TAX1BP1: variants seen among roughly 807,000 people sequenced by gnomAD.
TAX1BP1 encodes tax1-binding protein 1.
A neutral mutation model predicts 97.7 loss-of-function variants in TAX1BP1; 62 were observed. The ratio of observed to expected loss-of-function variants is 0.63; its 90% CI spans 0.52 to 0.78. The LOEUF is 0.78. TAX1BP1 is among the 30% of genes least tolerant of loss of function. The pLI is 0.00. For missense variants in TAX1BP1, 867 were observed against 916.1 expected (o/e 0.95, Z 0.69); for synonymous variants, 340 against 304.2 (o/e 1.12, Z -1.23).
chr7:27,771,097 ATTTTTTTTTTTTTTTTTTT>A (rs57751582), intron 5 of TAX1BP1, among the ~76,000 whole-genome samples: 2 of 40,570 alleles, frequency 4.9e-5, no homozygotes, highest in African/African-American at 1.4e-4. Context: ...ACATTCAGCA[ATTTTTTTTTTTTTTTTTTT>A]TTTTTTTTTT....
intron 3 of TAX1BP1, 34 bp from the exon 4 acceptor site, chr7:27,765,800 A>T: frequency 6.5e-7 from 1 of 1,540,636 alleles, no homozygotes; most frequent in Non-Finnish European, 8.9e-7. Context: ...TATAATAGGA[A>T]GTTTAATAAT....
intron 5 of TAX1BP1, among the ~76,000 whole-genome samples, chr7:27,771,097 ATTTTTTTTTTTTTT>A (rs57751582): frequency 0.027 from 1,088 of 40,738 alleles, 35 homozygotes; most frequent in African/African-American, 0.069. Context: ...ACATTCAGCA[ATTTTTTTTTTTTTT>A]TTTTTTTTTT....
intron 1 of TAX1BP1, among the ~76,000 whole-genome samples, chr7:27,741,413 G>A (rs750029642): frequency 1.3e-5 from 2 of 151,944 alleles, no homozygotes; most frequent in Non-Finnish European, 2.9e-5. Flanking sequence ...TGATGATGCC[G>A]ACTTCTAATA....
At chr7:27,745,194 A>C (rs1313443789) in intron 1 of TAX1BP1, among the ~76,000 whole-genome samples, 4 of 152,158 alleles carry the variant, frequency 2.6e-5, no homozygotes, top group African/African-American at 9.7e-5. Context: ...TAGGGAGTGT[A>C]CTTCTCTCCA....
At chr7:27,825,235 CTTTT>C (rs767330487) in intron 15 of TAX1BP1, among the ~76,000 whole-genome samples, 3 of 139,710 alleles carry the variant, frequency 2.1e-5, no homozygotes, top group East Asian at 4.1e-4. Context: ...TTCCCAGTAG[CTTTT>C]TTTTTTTTTT....
intron 5 of TAX1BP1, among the ~76,000 whole-genome samples, chr7:27,774,794 A>G (rs868572673): frequency 3.1e-4 from 47 of 152,050 alleles, no homozygotes; most frequent in African/African-American, 9.9e-4. Flanking sequence ...TTATCATTTT[A>G]TAAATATTGT....
At chr7:27,782,138 A>G (rs1407157496) in intron 5 of TAX1BP1, among the ~76,000 whole-genome samples, 1 of 152,208 alleles carries the variant, frequency 6.6e-6, no homozygotes, top group Non-Finnish European at 1.5e-5. Flanking sequence ...TTAGCTCAAA[A>G]CACAAACATG....
chr7:27,788,047 T>C (rs911006633), intron 8 of TAX1BP1, among the ~76,000 whole-genome samples: 1 of 152,058 alleles, frequency 6.6e-6, no homozygotes, highest in African/African-American at 2.4e-5. Context: ...AGACTACATA[T>C]TATTTTGATT....
At chr7:27,792,391 A>G (rs1331486261) in intron 9 of TAX1BP1, among the ~76,000 whole-genome samples, 161 bp downstream of exon 9, 1 of 152,194 alleles carries the variant, frequency 6.6e-6, no homozygotes, top group Non-Finnish European at 1.5e-5. Context: ...CTTGGCTTAC[A>G]GTTAATGTGT....
intron 8 of TAX1BP1, 91 bp from the exon 9 acceptor site, chr7:27,791,915 T>G: frequency 8.9e-7 from 1 of 1,124,966 alleles, no homozygotes; most frequent in Non-Finnish European, 1.3e-6. Flanking sequence ...TCTAAAATTT[T>G]GGCCCTGTTG....
intron 13 of TAX1BP1, among the ~76,000 whole-genome samples, chr7:27,810,334 G>A (rs1028107526): frequency 6.6e-6 from 1 of 151,992 alleles, no homozygotes; most frequent in Non-Finnish European, 1.5e-5. Context: ...GGCAAGAGAT[G>A]AAGGATATCT....
At chr7:27,739,831 T>A (rs2237338), upstream of TAX1BP1, 4 of 152,308 alleles carry the variant, frequency 2.6e-5, no homozygotes, top group Admixed American at 1.3e-4. Context: ...GATACGGTAC[T>A]GTCCATGGAC....
intron 4 of TAX1BP1, among the ~76,000 whole-genome samples, chr7:27,768,809 A>G (rs568799759): frequency 5.4e-4 from 82 of 152,010 alleles, no homozygotes; most frequent in Non-Finnish European, 6.2e-4. Context: ...AACTTTGATA[A>G]GAGCCATTTT....
intron 8 of TAX1BP1, among the ~76,000 whole-genome samples, chr7:27,788,911 T>C (rs1814987887): frequency 6.6e-6 from 1 of 152,028 alleles, no homozygotes; most frequent in Non-Finnish European, 1.5e-5. Context: ...TCAGTGGGTA[T>C]TTTGCATCTT....
intron 13 of TAX1BP1, among the ~76,000 whole-genome samples, chr7:27,813,882 A>T (rs1790655073): frequency 6.6e-6 from 1 of 152,154 alleles, no homozygotes; most frequent in Non-Finnish European, 1.5e-5. Context: ...CTTTCAATTT[A>T]TGTGTAGTTT....
At chr7:27,781,596 A>G (rs1000775094) in intron 5 of TAX1BP1, among the ~76,000 whole-genome samples, 60 of 152,350 alleles carry the variant, frequency 3.9e-4, no homozygotes, top group African/African-American at 1.2e-3. Flanking sequence ...CAGGACTGAC[A>G]GTGCTCTAGG....
chr7:27,797,817 G>A (rs1364803951), intron 12 of TAX1BP1, among the ~76,000 whole-genome samples: 1 of 147,852 alleles, frequency 6.8e-6, no homozygotes, highest in Non-Finnish European at 1.5e-5. Context: ...ATAGAATAAT[G>A]TTCAAGCAAA....
At chr7:27,742,043 G>A (rs1787631444) in intron 1 of TAX1BP1, among the ~76,000 whole-genome samples, 1 of 152,224 alleles carries the variant, frequency 6.6e-6, no homozygotes. Flanking sequence ...CCAGCCCTAA[G>A]GCGGTTTTTC....
chr7:27,748,562 A>G lies in TAX1BP1; in HGVS notation c.38A>G (p.Asn13Ser), dbSNP rs1174585522. Residue 13 changes from asparagine to serine, a missense_variant, in exon 2 of 17, where the codon AAC becomes AGC. Physicochemically the swap from Asn to Ser is conservative, Grantham distance 46. Around this residue, in one of 3 missense-constraint regions of TAX1BP1, gnomAD observed 822 missense variants for 851.4 expected, o/e 0.97. Coordinates refer to ENST00000396319, the MANE Select transcript of TAX1BP1 (RefSeq NM_006024.7). ...SFQEVPLQTS[N>S]FAHVIFQNVA... is the part of the protein sequence containing the mutation. ...CAAGAAGTCCCATTGCAGACTTCCA[A>G]CTTTGCCCATGTCATCTTTCAAAAT... 3 of 1,603,276 alleles carry G rather than the reference A, an allele frequency of 1.9e-6. No homozygotes were observed. Among genetic ancestry groups the G allele is most frequent in the Non-Finnish European group, 8.5e-7 (1 of 1,174,008 alleles).
Sources: allele counts gnomAD v4.1 joint callset (sites outside exome capture counted in the v4.1 genomes callset), GRCh38; gene constraint gnomAD v4.1.1; regional missense constraint gnomAD v4.1.1; transcripts MANE v1.5; gene names NCBI Gene and HGNC (gene_info 2026-07-23, HGNC 2026-07-21).